The following ETS1 variants were observed in gnomAD, a reference collection of about 807,000 sequenced individuals.
ETS1 encodes the protein protein C-ets-1.
ETS1 carries 15 observed loss-of-function variants against 58.6 expected under a neutral mutation model. That is an observed-to-expected ratio of 0.26 (90% CI 0.17 to 0.39). The LOEUF (loss-of-function observed/expected upper bound fraction) is 0.39, where lower values mean the gene tolerates loss of function less well. ETS1 is among the 10% of genes least tolerant of loss of function. ETS1 has a pLI of 1.00. For synonymous variants in ETS1, 214 were observed against 218.2 expected, an observed-to-expected ratio of 0.98 and a Z score of 0.17; for missense variants, 417 against 610.5, an observed-to-expected ratio of 0.68 and a Z score of 3.34.
At chr11:128,516,489 T>C (rs1591635219) in intron 3 of ETS1, among the ~76,000 whole-genome samples, 1 of 152,134 alleles carries the variant, frequency 6.6e-6, no homozygotes, top group Admixed American at 6.5e-5. Context: ...TACAAATTCC[T>C]CTCTGCGGTG....
At chr11:128,542,254 G>A (rs1207356756) in intron 3 of ETS1, among the ~76,000 whole-genome samples, 1 of 152,124 alleles carries the variant, frequency 6.6e-6, no homozygotes, top group Non-Finnish European at 1.5e-5. Flanking sequence ...TTATGAACAA[G>A]GCATTCTTTG....
chr11:128,574,617 C>G (rs1363825298), intron 1 of ETS1, among the ~76,000 whole-genome samples: 1 of 152,132 alleles, frequency 6.6e-6, no homozygotes, highest in Non-Finnish European at 1.5e-5. Flanking sequence ...CTGTACCAGG[C>G]ACTGAGCATG....
intron 3 of ETS1, among the ~76,000 whole-genome samples, chr11:128,525,662 T>C (rs1863787894): frequency 6.8e-6 from 1 of 147,786 alleles, no homozygotes; most frequent in Non-Finnish European, 1.5e-5. Context: ...AACAACAACC[T>C]GTCTGAGCTG....
intron 5 of ETS1, among the ~76,000 whole-genome samples, chr11:128,488,673 T>C (rs965836068): frequency 1.3e-5 from 2 of 152,220 alleles, no homozygotes; most frequent in Non-Finnish European, 2.9e-5. Flanking sequence ...CTGTGGTACA[T>C]GAGTCACTTG....
At chr11:128,574,684 T>C (rs1864706821) in intron 1 of ETS1, among the ~76,000 whole-genome samples, 1 of 152,214 alleles carries the variant, frequency 6.6e-6, no homozygotes, top group Admixed American at 6.5e-5. Flanking sequence ...GACCATACAC[T>C]GTGAGGATCA....
intron 3 of ETS1, among the ~76,000 whole-genome samples, chr11:128,515,870 G>A (rs1294910147): frequency 6.6e-6 from 1 of 152,146 alleles, no homozygotes; most frequent in Non-Finnish European, 1.5e-5. Context: ...AAGTGGAAGG[G>A]GCAGTAATAA....
At position 128,464,618 on chromosome 11, in the gene ETS1, A is replaced by T. The variant is rs1419849517; in HGVS notation, c.1124-991T>A. Reference sequence around the variant, plus strand: ...ACATAAACAAACTGGGCAGAGCGGGACTGGGAAAGACCCAGTCCATGTCTC... The same window carrying T: ...ACATAAACAAACTGGGCAGAGCGGGTCTGGGAAAGACCCAGTCCATGTCTC... On this transcript the variant is annotated intron_variant, in intron 8 of 9. Transcript: ENST00000392668. This position sits in a 1 kb window ranked among gnomAD's most constrained non-coding sequence, Gnocchi z 4.1. Among the ~76,000 whole-genome samples the T allele has an allele frequency of 1.3e-5, 2 of 152,130 alleles. No homozygotes were observed. The highest frequency in any genetic ancestry group is 4.8e-5 in the African/African-American group (2 of 41,412).
At chr11:128,508,609 C>A (rs191996482) in intron 3 of ETS1, among the ~76,000 whole-genome samples, 18 of 152,262 alleles carry the variant, frequency 1.2e-4, no homozygotes, top group Admixed American at 9.8e-4. Context: ...TCTTAGAGGG[C>A]TTAGGTACCC....
At chr11:128,515,060 T>G (rs1471415402) in intron 3 of ETS1, among the ~76,000 whole-genome samples, 2 of 152,204 alleles carry the variant, frequency 1.3e-5, no homozygotes, top group Non-Finnish European at 2.9e-5. Flanking sequence ...TTGTTTTTTA[T>G]TTTTGCTTTT....
chr11:128,507,006 A>T (rs1672193501), intron 3 of ETS1, among the ~76,000 whole-genome samples: 1 of 152,128 alleles, frequency 6.6e-6, no homozygotes, highest in Admixed American at 6.5e-5. Context: ...TTCGCCCTCC[A>T]GTCCCTGGTG....
chr11:128,494,141 T>C (rs899405883), intron 3 of ETS1, among the ~76,000 whole-genome samples: 1 of 152,228 alleles, frequency 6.6e-6, no homozygotes, highest in African/African-American at 2.4e-5. Flanking sequence ...ATCTCCTTTG[T>C]GCTAATAATT....
intron 3 of ETS1, among the ~76,000 whole-genome samples, chr11:128,499,261 A>T (rs1034528794): frequency 6.6e-6 from 1 of 152,240 alleles, no homozygotes; most frequent in Non-Finnish European, 1.5e-5. Flanking sequence ...TTGAGGCCTC[A>T]TCCTCTGAGA....
rs759420818 is a variant in ETS1, at chr11:128,484,906, G to T, written c.779C>A (p.Thr260Lys). ...AAAGTAGTCATTCTGCAAGGTGTCT[G>T]TCTGGAGAGGGTCTCGGAGAATGAC... is the stretch of plus-strand genomic sequence containing the variant. ...PSVILRDPLQ[T>K]DTLQNDYFAI... Residue 260 changes from threonine (T) to lysine (K), a missense_variant, in exon 7 of 10, where the codon ACA becomes AAA. This residue lies in a region of ETS1 where 139 missense variants were observed against 152.1 expected (regional missense o/e 0.91). Transcript: ENST00000392668. 6.2e-7 allele frequency: 1 copy of T among 1,613,994 alleles called. No individual in the cohort carries two copies. Among genetic ancestry groups the T allele is most frequent in the Non-Finnish European group, 8.5e-7 (1 of 1,179,906 alleles).
In ETS1 at chr11:128,556,315, T is replaced by C. The variant is rs977345520; in HGVS notation, c.190A>G (p.Thr64Ala). ...WDEMATQEVP[T>A]GLEHCVSDME... is the part of the protein sequence containing the mutation. ...CCTGAGACACAGTGTTCAAGACCAG[T>C]AGGAACTTCCTGAGTTGCCATCTCA... is the stretch of plus-strand genomic sequence containing the variant. The change falls in exon 3 of 10, where the codon ACT becomes GCT. Residue 64 changes from threonine (T) to alanine (A), a missense_variant. Transcript: ENST00000392668. The C allele has an allele frequency of 1.2e-6, 2 of 1,613,240 alleles. No homozygotes were observed. The highest frequency in any genetic ancestry group is 2.2e-5 in the East Asian group (1 of 44,876).
intron 3 of ETS1, among the ~76,000 whole-genome samples, chr11:128,546,743 G>C (rs1202584721): frequency 6.6e-6 from 1 of 152,158 alleles, no homozygotes; most frequent in Non-Finnish European, 1.5e-5. Context: ...GTTTGCAGGG[G>C]GGAAGGTGTT....
intron 3 of ETS1, among the ~76,000 whole-genome samples, chr11:128,551,686 C>T (rs943932714): frequency 1.3e-5 from 2 of 152,082 alleles, no homozygotes; most frequent in South Asian, 2.1e-4. Flanking sequence ...CTCAGTATCC[C>T]GGGCATGGCA....
chr11:128,563,234 T>C (rs1051894667), intron 2 of ETS1, among the ~76,000 whole-genome samples: 3 of 152,208 alleles, frequency 2.0e-5, no homozygotes, highest in African/African-American at 7.2e-5. Flanking sequence ...GTCATAAACA[T>C]GTAAGACACT....
chr11:128,521,703 C>G (rs926139713), intron 3 of ETS1, among the ~76,000 whole-genome samples: 3 of 152,238 alleles, frequency 2.0e-5, no homozygotes, highest in Non-Finnish European at 4.4e-5. Flanking sequence ...ATACCACCCC[C>G]CAAACCAAGG....
chr11:128,553,327 C>G (rs1591658596), intron 3 of ETS1, among the ~76,000 whole-genome samples: 1 of 152,298 alleles, frequency 6.6e-6, no homozygotes, highest in East Asian at 1.9e-4. Flanking sequence ...GCAAATGTGG[C>G]TTCCCTTTTT....
Sources: allele counts gnomAD v4.1 joint callset (sites outside exome capture counted in the v4.1 genomes callset), GRCh38; gene constraint gnomAD v4.1.1; regional missense constraint gnomAD v4.1.1; non-coding constraint Gnocchi (gnomAD v3.1); transcripts MANE v1.5; gene names NCBI Gene and HGNC (gene_info 2026-07-23, HGNC 2026-07-21).